Variants in KAT7 observed in about 807,000 individuals in gnomAD.
The protein encoded by KAT7 is lysine acetyltransferase 7.
Under a neutral mutation model 82.1 loss-of-function variants are expected in KAT7, and 10 were observed. The observed-to-expected ratio is 0.12, with a 90% CI of 0.08 to 0.21. The LOEUF (loss-of-function observed/expected upper bound fraction) is 0.21, where lower values mean the gene tolerates loss of function less well. Among genes scored for constraint, KAT7 ranks in the 10% least tolerant of loss-of-function variants. The pLI, the probability that KAT7 is intolerant of heterozygous loss-of-function variation, is 1.00. For missense variants in KAT7, 378 were observed against 760.9 expected (o/e 0.50, Z 5.92); for synonymous variants, 250 against 262.5 (o/e 0.95, Z 0.46).
intron 6 of KAT7, 91 bp downstream of exon 6, chr17:49,809,299 C>T: frequency 1.1e-6 from 1 of 871,436 alleles, no homozygotes; most frequent in African/African-American, 1.7e-5. Flanking sequence ...GTCTGTGCCT[C>T]ATTTCCTGTG....
At position 49,805,351 on chromosome 17, in the gene KAT7, C is replaced by T. The variant is rs776151957; in HGVS notation, c.581-12C>T. The T allele has an allele frequency of 3.2e-6, 5 of 1,582,578 alleles. No individual in the cohort carries two copies. The South Asian group carries it at 5.6e-5, about 18-fold the overall frequency. On this transcript the variant is annotated splice_polypyrimidine_tract_variant and intron_variant, in intron 4 of 14. Coordinates refer to ENST00000259021, the MANE Select transcript of KAT7 (RefSeq NM_007067.5). ...CTTCTTTCTTGAGATTAAGTTTTCC[C>T]TCCTTTAACAGGACACCTTACAGGA... is the stretch of plus-strand genomic sequence containing the variant.
intron 7 of KAT7, 23 bp downstream of exon 7, chr17:49,811,597 A>C: frequency 8.2e-7 from 1 of 1,219,274 alleles, no homozygotes; most frequent in Non-Finnish European, 1.1e-6. Context: ...TAAATATTTA[A>C]TGAGCATGAA....
At chr17:49,813,067 A>G (rs375741519) in intron 7 of KAT7, among the ~76,000 whole-genome samples, 6 of 142,008 alleles carry the variant, frequency 4.2e-5, no homozygotes, top group African/African-American at 1.6e-4. Flanking sequence ...GTACATGTGC[A>G]GGTTTGTTAC....
intron 2 of KAT7, among the ~76,000 whole-genome samples, chr17:49,793,342 G>A (rs1647755773): frequency 6.6e-6 from 1 of 152,132 alleles, no homozygotes; most frequent in African/African-American, 2.4e-5. Context: ...TTGGTAATAA[G>A]GAATTGAGAA....
chr17:49,821,636 T>G lies in KAT7; in HGVS notation c.1246-14T>G, dbSNP rs770107123. ...TCAGTGGCCCACACATGAACTCTGTTTCTCTGCTTCCAGATCTACTGCCAA... is the reference window on the plus strand; with the variant it reads ...TCAGTGGCCCACACATGAACTCTGTGTCTCTGCTTCCAGATCTACTGCCAA... On this transcript the variant is annotated splice_polypyrimidine_tract_variant and intron_variant, in intron 10 of 14. Coordinates refer to ENST00000259021, the MANE Select transcript of KAT7 (RefSeq NM_007067.5). 1 of 1,612,656 alleles carries G rather than the reference T, an allele frequency of 6.2e-7. No individual in the cohort carries two copies. The highest frequency in any genetic ancestry group is 1.1e-5 in the South Asian group (1 of 91,020).
rs956296843 is a variant in KAT7 at position 49,809,185 on chromosome 17, A to C, written c.730A>C (p.Asn244His). 8 of 1,614,020 alleles carry C rather than the reference A, an allele frequency of 5.0e-6. No individual in the cohort carries two copies. Among genetic ancestry groups the C allele is most frequent in the Non-Finnish European group, 5.9e-6 (7 of 1,179,962 alleles). The change falls in exon 6 of 15, where the codon AAC becomes CAC. Residue 244 changes from asparagine to histidine, a missense_variant. Around this residue, in one of 6 missense-constraint regions of KAT7, gnomAD observed 102 missense variants for 129.8 expected, o/e 0.79. Coordinates refer to ENST00000259021, the MANE Select transcript of KAT7 (RefSeq NM_007067.5). ...RMLSHRQDDN[N>H]RHATRHQAPT... ...GCTGTCTCACAGGCAAGATGACAAC[A>C]ACAGGCATGCAACCAGGCACCAGGT...
intron 14 of KAT7, 122 bp downstream of exon 14, chr17:49,826,921 C>G: frequency 1.6e-6 from 1 of 615,600 alleles, no homozygotes; most frequent in Non-Finnish European, 2.9e-6. Flanking sequence ...GCCCCTTTTA[C>G]TGGGTCTCAT....
chr17:49,816,137 G>GCTCC (rs888003265), intron 8 of KAT7, among the ~76,000 whole-genome samples: 8 of 151,852 alleles, frequency 5.3e-5, no homozygotes, highest in Admixed American at 4.6e-4. Context: ...TTCCACCTCG[G>GCTCC]CTCCCGGAAG....
rs908961830 is a variant in KAT7, at chr17:49,829,359, T to G, written c.*1857T>G. The G allele has an allele frequency of 3.3e-5, 5 of 152,228 alleles. No homozygotes were observed. The highest frequency in any genetic ancestry group is 1.2e-4 in the African/African-American group (5 of 41,462). The allele number at this position is 152,228 out of a possible 1,614,324, so 9.4% of individuals were successfully genotyped here. ...AATCAGTATACGTAGCAATGATTAGTCAGTATTACCCATTCTTTCACTAAG... is the reference window on the plus strand; with the variant it reads ...AATCAGTATACGTAGCAATGATTAGGCAGTATTACCCATTCTTTCACTAAG... On this transcript the variant is annotated 3_prime_UTR_variant, in exon 15 of 15. Coordinates refer to ENST00000259021, the MANE Select transcript of KAT7 (RefSeq NM_007067.5).
Position 49,830,833 on chromosome 17 carries a change from T to C in KAT7, c.*3331T>C, listed in dbSNP as rs2074419807. ...TTGATTCCTTAATGATGAATCATCC[T>C]CTCCCTTCTAGTTGGATTTGTTTCT... On this transcript the variant is annotated 3_prime_UTR_variant, in exon 15 of 15. Coordinates refer to ENST00000259021, the MANE Select transcript of KAT7 (RefSeq NM_007067.5). The C allele has an allele frequency of 6.6e-6, 1 of 152,222 alleles. No individual in the cohort carries two copies. Among genetic ancestry groups the C allele is most frequent in the African/African-American group, 2.4e-5 (1 of 41,458 alleles). The allele number at this position is 152,222 out of a possible 1,614,324, so 9.4% of individuals were successfully genotyped here. A position where few individuals can be genotyped will look rare whatever the true frequency, so the allele number is the denominator to read the frequency against.
At chr17:49,806,863 A>G (rs1206910965) in intron 5 of KAT7, among the ~76,000 whole-genome samples, 2 of 152,212 alleles carry the variant, frequency 1.3e-5, no homozygotes, top group African/African-American at 4.8e-5. Flanking sequence ...TAGGCGCAGA[A>G]TAATCCATCT....
At chr17:49,815,948 G>A (rs757854135) in intron 8 of KAT7, 35 bp downstream of exon 8, 1 of 1,275,108 alleles carries the variant, frequency 7.8e-7, no homozygotes, top group Non-Finnish European at 1.1e-6. Context: ...AAGGCCGCTT[G>A]TGAAAGGTGC....
At chr17:49,827,030 A>G (rs2074376855) in intron 14 of KAT7, 8 of 471,370 alleles carry the variant, frequency 1.7e-5, no homozygotes, top group South Asian at 1.5e-4. Flanking sequence ...AAGCAGCTCC[A>G]GTTAAGCAGC....
At position 49,811,514 on chromosome 17, in the gene KAT7, G is replaced by T; in HGVS notation, c.792G>T (p.Val264=). 1 of 1,554,740 alleles carries T rather than the reference G, an allele frequency of 6.4e-7. No individual in the cohort carries two copies. Among genetic ancestry groups the T allele is most frequent in the South Asian group, 1.2e-5 (1 of 83,690 alleles). ...TERQLRYKEK[V]AELRKKRNSG... is the part of the protein sequence containing the mutation. Reference sequence around the variant, plus strand: ...GACAGCTTCGATATAAGGAAAAAGTGGCTGAACTCAGGAAGAAAAGAAATT... The same window carrying T: ...GACAGCTTCGATATAAGGAAAAAGTTGCTGAACTCAGGAAGAAAAGAAATT... The change falls in exon 7 of 15, where the codon GTG becomes GTT. Residue 264 remains valine, a synonymous_variant. Coordinates refer to ENST00000259021, the MANE Select transcript of KAT7 (RefSeq NM_007067.5).
At chr17:49,808,345 C>T (rs2074118219) in intron 5 of KAT7, among the ~76,000 whole-genome samples, 2 of 151,612 alleles carry the variant, frequency 1.3e-5, no homozygotes, top group Admixed American at 6.6e-5. Flanking sequence ...GTCTTGAACT[C>T]CTGGCCTCAA....
At chr17:49,808,120 CTTTTTTTTTTT>C (rs71146937) in intron 5 of KAT7, among the ~76,000 whole-genome samples, 2 of 112,820 alleles carry the variant, frequency 1.8e-5, no homozygotes, top group East Asian at 2.4e-4. Flanking sequence ...CCCAGGTTTT[CTTTTTTTTTTT>C]TTTTTTTTTT....
chr17:49,799,699 T>C (rs2073998874), intron 4 of KAT7, among the ~76,000 whole-genome samples: 2 of 152,196 alleles, frequency 1.3e-5, no homozygotes, highest in Non-Finnish European at 2.9e-5. Flanking sequence ...GGTCTCACTT[T>C]ATTGCCCAGG....
At chr17:49,825,855 T>C (rs771758790) in intron 12 of KAT7, 145 bp from the exon 13 acceptor site, 30 of 763,576 alleles carry the variant, frequency 3.9e-5, no homozygotes, top group Non-Finnish European at 5.9e-5. Context: ...ATACTATAGT[T>C]AACCACACAG....
chr17:49,829,500 A>G lies in KAT7; in HGVS notation c.*1998A>G, dbSNP rs1377287669. On this transcript the variant is annotated 3_prime_UTR_variant, in exon 15 of 15. Coordinates refer to ENST00000259021, the MANE Select transcript of KAT7 (RefSeq NM_007067.5). The stretch of plus-strand genomic sequence containing the variant: ...GACATTCCTTCTCATCTCCAAGCTC[A>G]TTCACCAGTATTGAGCAGTGTCACC... 6.6e-6 allele frequency: 1 copy of G among 152,208 alleles called. No homozygotes were observed. Among genetic ancestry groups the G allele is most frequent in the African/African-American group, 2.4e-5 (1 of 41,460 alleles). 9.4% of individuals were successfully genotyped at this position (152,208 alleles called of 1,614,324 possible).
Sources: allele counts gnomAD v4.1 joint callset (sites outside exome capture counted in the v4.1 genomes callset), GRCh38; gene constraint gnomAD v4.1.1; regional missense constraint gnomAD v4.1.1; transcripts MANE v1.5; gene names NCBI Gene and HGNC (gene_info 2026-07-23, HGNC 2026-07-21).